Variants in UNC79 observed in about 807,000 individuals in gnomAD.
UNC79 encodes the protein unc-79 subunit of NALCN channel complex.
UNC79 carries 37 observed loss-of-function variants against 283.1 expected under a neutral mutation model. The ratio of observed to expected loss-of-function variants is 0.13; its 90% CI spans 0.10 to 0.17. The LOEUF (loss-of-function observed/expected upper bound fraction) is 0.17. Among genes scored for constraint, UNC79 ranks in the 10% least tolerant of loss-of-function variants. UNC79 has a pLI of 1.00. For missense variants in UNC79, 2,272 were observed against 3,211.1 expected, an observed-to-expected ratio of 0.71 and a Z score of 7.07; for synonymous variants, 1,107 against 1,200.2, an observed-to-expected ratio of 0.92 and a Z score of 1.61.
intron 14 of UNC79, among the ~76,000 whole-genome samples, chr14:93,566,137 C>T (rs1344514839): frequency 1.3e-5 from 2 of 152,088 alleles, no homozygotes; most frequent in Admixed American, 1.3e-4. Context: ...CAGAGGGGTC[C>T]GGCCATCATG....
intron 1 of UNC79, among the ~76,000 whole-genome samples, chr14:93,459,056 A>G (rs1354873943): frequency 6.6e-6 from 1 of 152,220 alleles, no homozygotes; most frequent in Non-Finnish European, 1.5e-5. Flanking sequence ...CCGTGGCGTG[A>G]TCTCAGCTCA....
intron 1 of UNC79, among the ~76,000 whole-genome samples, chr14:93,409,071 A>C (rs950569930): frequency 6.6e-6 from 1 of 152,226 alleles, no homozygotes; most frequent in Non-Finnish European, 1.5e-5. Flanking sequence ...TGGAGATCTT[A>C]TCCAATGTAG....
At position 93,622,845 on chromosome 14, in the gene UNC79, A is replaced by T. The variant is rs1160993420; in HGVS notation, c.5608+4A>T. ...CTGGGAGAACAGAAAGATCCAGGTA[A>T]GCTCGCCTCTCTTCTTTCTCTCAGC... On this transcript the variant is annotated splice_donor_region_variant and intron_variant, in intron 30 of 48. Transcript: ENST00000555664. The T allele has an allele frequency of 6.2e-7, 1 of 1,609,810 alleles. No individual in the cohort carries two copies. The highest frequency in any genetic ancestry group is 1.3e-5 in the African/African-American group (1 of 74,776).
At chr14:93,556,157 G>T (rs972328197) in intron 14 of UNC79, among the ~76,000 whole-genome samples, 1 of 152,126 alleles carries the variant, frequency 6.6e-6, no homozygotes, top group Non-Finnish European at 1.5e-5. Flanking sequence ...ATGTTTTATT[G>T]TAAGGACATT....
chr14:93,634,423 C>G, intron 31 of UNC79, 98 bp from the exon 34 acceptor site: 1 of 881,178 alleles, frequency 1.1e-6, no homozygotes, highest in Non-Finnish European at 1.8e-6. Flanking sequence ...TTATGAATAG[C>G]AAATGAAGGG....
In UNC79 at chr14:93,690,058, A is replaced by G. The variant is rs2074568048; in HGVS notation, c.7086-59A>G. The G allele has an allele frequency of 1.7e-5, 26 of 1,564,418 alleles. 1 individual carries two copies. In the South Asian group the frequency reaches 2.8e-4, roughly 17 times the overall value. ...TCCCTTCCTTCAATAAGCATTTGTT[A>G]TGCACCCAATGAAACACAAAACATA... On this transcript the variant is annotated intron_variant, in intron 44 of 48. Coordinates refer to ENST00000555664, the Ensembl canonical transcript of UNC79. This position sits in a 1 kb window ranked among gnomAD's most constrained non-coding sequence, Gnocchi z 4.3.
At chr14:93,346,381 C>G (rs1406085232) in intron 1 of UNC79, among the ~76,000 whole-genome samples, 1 of 152,194 alleles carries the variant, frequency 6.6e-6, no homozygotes, top group African/African-American at 2.4e-5. Context: ...GGCACAGTGC[C>G]TCATGCCTGT....
At chr14:93,687,172 A>G (rs960571241) in intron 43 of UNC79, among the ~76,000 whole-genome samples, 24 of 152,254 alleles carry the variant, frequency 1.6e-4, no homozygotes, top group African/African-American at 5.8e-4. Context: ...ATGTACGTGA[A>G]GAGACTTTCA....
At chr14:93,462,102 T>G (rs1346319658) in intron 1 of UNC79, among the ~76,000 whole-genome samples, 3 of 151,230 alleles carry the variant, frequency 2.0e-5, no homozygotes, top group African/African-American at 7.3e-5. Context: ...AGGCCAGGAG[T>G]TCGAGAACAG....
At chr14:93,566,949 A>G (rs978870880) in intron 14 of UNC79, among the ~76,000 whole-genome samples, 2 of 152,174 alleles carry the variant, frequency 1.3e-5, no homozygotes, top group Non-Finnish European at 2.9e-5. Flanking sequence ...ATGGTTAAAC[A>G]TGAAAGCCCA....
chr14:93,620,438 G>A (rs2067047295), intron 29 of UNC79, among the ~76,000 whole-genome samples: 1 of 152,052 alleles, frequency 6.6e-6, no homozygotes, highest in South Asian at 2.1e-4. Context: ...ATCCCATAAA[G>A]GCAGATTTTT....
chr14:93,566,348 A>C (rs2062877855), intron 14 of UNC79, among the ~76,000 whole-genome samples: 4 of 152,204 alleles, frequency 2.6e-5, no homozygotes, highest in African/African-American at 9.6e-5. Flanking sequence ...GTGGAAGTGC[A>C]AGAATCCTCC....
At chr14:93,646,066 G>A (rs190984017) in intron 34 of UNC79, among the ~76,000 whole-genome samples, 72 of 152,090 alleles carry the variant, frequency 4.7e-4, no homozygotes, top group African/African-American at 1.3e-3. Flanking sequence ...ATACAGAACC[G>A]TATAATTATA....
intron 1 of UNC79, among the ~76,000 whole-genome samples, chr14:93,405,676 A>AAAATTC (rs1231083910): frequency 6.6e-6 from 1 of 152,222 alleles, no homozygotes; most frequent in Non-Finnish European, 1.5e-5. Flanking sequence ...AGATGGTAAG[A>AAAATTC]AAATTCTGTA....
chr14:93,483,008 T>G (rs1013548127), intron 4 of UNC79, among the ~76,000 whole-genome samples: 2 of 152,246 alleles, frequency 1.3e-5, no homozygotes, highest in Non-Finnish European at 2.9e-5. Flanking sequence ...CCAGGAGCCT[T>G]GGCCTTTCTG....
chr14:93,523,897 GA>G (rs2060433591), intron 7 of UNC79, 80 bp from the exon 8 acceptor site: 12 of 1,476,722 alleles, frequency 8.1e-6, no homozygotes, highest in Middle Eastern at 3.5e-4. Context: ...TTAGAAAAAA[GA>G]AAATAGTAAA....
chr14:93,665,026 C>T (rs563090437), intron 40 of UNC79, among the ~76,000 whole-genome samples: 1 of 151,756 alleles, frequency 6.6e-6, no homozygotes, highest in East Asian at 1.9e-4. Context: ...AATATTAAAA[C>T]TGTGATAAAG....
intron 33 of UNC79, among the ~76,000 whole-genome samples, chr14:93,642,053 C>T (rs1409493231): frequency 7.3e-6 from 1 of 136,156 alleles, no homozygotes; most frequent in Non-Finnish European, 1.6e-5. Flanking sequence ...AAACGTCTTT[C>T]CTTTATGAAT....
At chr14:93,591,577 G>A (rs188917336) in intron 22 of UNC79, among the ~76,000 whole-genome samples, 15 of 152,316 alleles carry the variant, frequency 9.8e-5, no homozygotes, top group Middle Eastern at 3.4e-3. Context: ...TATCAATACC[G>A]TAAGTTTATG....
Sources: allele counts gnomAD v4.1 joint callset (sites outside exome capture counted in the v4.1 genomes callset), GRCh38; gene constraint gnomAD v4.1.1; non-coding constraint Gnocchi (gnomAD v3.1); transcripts MANE v1.5; gene names NCBI Gene and HGNC (gene_info 2026-07-23, HGNC 2026-07-21).